Variants in JPH2 observed in about 807,000 individuals in gnomAD.
JPH2 encodes junctophilin-2.
In JPH2, 38 loss-of-function variants were observed where a neutral mutation model predicts 55.9. The ratio of observed to expected loss-of-function variants is 0.68; its 90% CI spans 0.52 to 0.89. The LOEUF (loss-of-function observed/expected upper bound fraction) is 0.89, where lower values mean the gene tolerates loss of function less well. Ranked by LOEUF, JPH2 falls within the 40% of genes least tolerant of loss-of-function variation. The pLI is 0.00. For missense variants in JPH2, 964 were observed against 1,037.6 expected, an observed-to-expected ratio of 0.93 and a Z score of 0.97; for synonymous variants, 480 against 472.4, an observed-to-expected ratio of 1.02 and a Z score of -0.21.
At chr20:44,138,774 C>T (rs560014653) in intron 2 of JPH2, among the ~76,000 whole-genome samples, 1 of 151,932 alleles carries the variant, frequency 6.6e-6, no homozygotes, top group South Asian at 2.1e-4. Flanking sequence ...TTTTGGCTAA[C>T]TTTTTCTAAT....
chr20:44,148,087 C>T (rs565791374), intron 2 of JPH2, among the ~76,000 whole-genome samples: 16 of 152,116 alleles, frequency 1.1e-4, no homozygotes, highest in Admixed American at 8.5e-4. Flanking sequence ...TGCTTGGGCC[C>T]GGGAGGCAGA....
At chr20:44,156,446 A>T (rs999341228) in intron 2 of JPH2, among the ~76,000 whole-genome samples, 1 of 152,190 alleles carries the variant, frequency 6.6e-6, no homozygotes, top group African/African-American at 2.4e-5. Flanking sequence ...CCTGGTCATA[A>T]GCCTGGTCCT....
chr20:44,185,917 G>A (rs1338806104), intron 1 of JPH2, among the ~76,000 whole-genome samples: 1 of 152,016 alleles, frequency 6.6e-6, no homozygotes, highest in African/African-American at 2.4e-5. Flanking sequence ...TGGATGGGTG[G>A]GTGGATGAAT....
chr20:44,114,565 A>AGTGTGTGTGTGT (rs3037626), intron 5 of JPH2, among the ~76,000 whole-genome samples: 1 of 141,906 alleles, frequency 7.0e-6, no homozygotes, highest in Non-Finnish European at 1.5e-5. Context: ...TAATGAAGTA[A>AGTGTGTGTGTGT]GTGTGTGTGT....
At chr20:44,172,107 C>G (rs1360175903) in intron 1 of JPH2, among the ~76,000 whole-genome samples, 2 of 152,164 alleles carry the variant, frequency 1.3e-5, no homozygotes, top group South Asian at 4.1e-4. Context: ...ATCTCGGGCT[C>G]TCAACAAAGG....
At chr20:44,118,008 C>T (rs1406859361) in intron 3 of JPH2, among the ~76,000 whole-genome samples, 9 of 152,216 alleles carry the variant, frequency 5.9e-5, no homozygotes, top group African/African-American at 1.4e-4. Flanking sequence ...TGGGAAGCAG[C>T]GGAATCAGGG....
intron 2 of JPH2, among the ~76,000 whole-genome samples, chr20:44,153,005 C>G (rs1033114177): frequency 1.3e-5 from 2 of 152,228 alleles, no homozygotes; most frequent in South Asian, 4.1e-4. Flanking sequence ...AATGTACTTA[C>G]GTATTTTTAA....
chr20:44,183,157 C>T (rs1007479237), intron 1 of JPH2, among the ~76,000 whole-genome samples: 9 of 152,180 alleles, frequency 5.9e-5, no homozygotes, highest in African/African-American at 2.2e-4. Context: ...CTACAGTGCA[C>T]CACTGTGCAT....
In JPH2 at chr20:44,109,783, C is replaced by A. The variant is rs886767725; in HGVS notation, c.*3735G>T. On this transcript the variant is annotated 3_prime_UTR_variant, in exon 6 of 6. Coordinates refer to ENST00000372980, the MANE Select transcript of JPH2 (RefSeq NM_020433.5). ...GCACCTCCAAAGGTCATCATCTGGG[C>A]CTGCATCTCTCCCAGAACAGCCAGG... Among the ~76,000 whole-genome samples, 1 of 152,136 alleles carries A rather than the reference C, an allele frequency of 6.6e-6. No individual in the cohort carries two copies. The highest frequency in any genetic ancestry group is 1.5e-5 in the Non-Finnish European group (1 of 68,016).
Position 44,159,565 on chromosome 20 carries a change from G to T in JPH2, c.1169+53C>A. ...GGCCTCCTAGGTTGCCCTGCCCCAG[G>T]ACCCCCTTCTCCGAGGGGAGGCGAC... On this transcript the variant is annotated intron_variant, in intron 2 of 5. Coordinates refer to ENST00000372980, the MANE Select transcript of JPH2 (RefSeq NM_020433.5). This position sits in a 1 kb window ranked among gnomAD's most constrained non-coding sequence, Gnocchi z 5.7. 6.5e-7 allele frequency: 1 copy of T among 1,544,650 alleles called. No homozygotes were observed. The highest frequency in any genetic ancestry group is 8.7e-7 in the Non-Finnish European group (1 of 1,146,318).
Position 44,186,791 on chromosome 20 carries a change from T to G in JPH2, c.-86A>C. The G allele has an allele frequency of 1.5e-6, 2 of 1,373,602 alleles. No homozygotes were observed. Among genetic ancestry groups the G allele is most frequent in the South Asian group, 1.2e-5 (1 of 86,050 alleles). 85.1% of individuals were successfully genotyped at this position (1,373,602 alleles called of 1,614,324 possible). ...TGCCTGCAACACTCCTCCAGTGCCC[T>G]CGGGGGCAGGCCCCCAGACTCACCA... On this transcript the variant is annotated 5_prime_UTR_variant, in exon 1 of 6. Coordinates refer to ENST00000372980, the MANE Select transcript of JPH2 (RefSeq NM_020433.5).
rs1185705906 is a variant in JPH2 at position 44,160,142 on chromosome 20, G to A, written c.645C>T (p.Pro215=). 6.9e-6 allele frequency: 10 copies of A among 1,445,250 alleles called. No homozygotes were observed. Among genetic ancestry groups the A allele is most frequent in the Non-Finnish European group, 9.0e-6 (10 of 1,108,456 alleles). 89.5% of individuals were successfully genotyped at this position (1,445,250 alleles called of 1,614,324 possible). The part of the protein sequence containing the change: ...LANAEAAARA[P]KGGGLFQRGA... ...CCCGCTGGAAGAGGCCGCCGCCCTTGGGCGCCCGCGCGGCCGCCTCGGCAT... is the reference window on the plus strand; with the variant it reads ...CCCGCTGGAAGAGGCCGCCGCCCTTAGGCGCCCGCGCGGCCGCCTCGGCAT... Residue 215 remains proline, a synonymous_variant, in exon 2 of 6, where the codon CCC becomes CCT. Coordinates refer to ENST00000372980, the MANE Select transcript of JPH2 (RefSeq NM_020433.5). The surrounding 1 kb of genome is among the most constrained non-coding windows in gnomAD (Gnocchi z 4.9).
intron 2 of JPH2, among the ~76,000 whole-genome samples, chr20:44,134,663 T>TAAATATTTATAATAAATATATATAA (rs374777754): frequency 3.2e-4 from 9 of 27,708 alleles, no homozygotes; most frequent in African/African-American, 4.7e-4. Context: ...TATAAATATA[T>TAAATATTTATAATAAATATATATAA]ATAAATATAT....
chr20:44,176,715 G>C (rs575404078), intron 1 of JPH2: 1 of 243,686 alleles, frequency 4.1e-6, no homozygotes, highest in Admixed American at 6.5e-5. Flanking sequence ...GATCACTTGA[G>C]CCCAGGAGGT....
rs1454449326 is a variant in JPH2 at position 44,108,064 on chromosome 20, T to C, written c.*5454A>G. ...TGACCTTTGGGTGTGGGGAGGGGTA[T>C]GGAGGTTAAGTTCAACCATGTGGGA... On this transcript the variant is annotated 3_prime_UTR_variant, in exon 6 of 6. Transcript: ENST00000372980. Among the ~76,000 whole-genome samples the C allele has an allele frequency of 6.6e-6, 1 of 152,126 alleles. No homozygotes were observed. Among genetic ancestry groups the C allele is most frequent in the East Asian group, 1.9e-4 (1 of 5,190 alleles).
At chr20:44,134,748 T>C (rs1261683027) in intron 2 of JPH2, among the ~76,000 whole-genome samples, 1 of 107,340 alleles carries the variant, frequency 9.3e-6, no homozygotes, top group Non-Finnish European at 1.7e-5. Context: ...TATAAAGATA[T>C]ATTTATTATA....
chr20:44,177,455 A>G (rs1281452175), intron 1 of JPH2: 11 of 992,506 alleles, frequency 1.1e-5, no homozygotes, highest in Non-Finnish European at 1.3e-5. Context: ...CCAATCGGGC[A>G]CATGAATCAC....
intron 2 of JPH2, among the ~76,000 whole-genome samples, chr20:44,142,712 C>T (rs938865694): frequency 5.9e-5 from 9 of 152,232 alleles, no homozygotes; most frequent in Non-Finnish European, 1.0e-4. Flanking sequence ...AGCGGGAGGG[C>T]AAACATCATG....
chr20:44,176,980 C>G (rs982925423), intron 1 of JPH2: 3 of 985,458 alleles, frequency 3.0e-6, no homozygotes. Flanking sequence ...GCAGGAAGAC[C>G]TCCAGGCACA....
Sources: gnomAD v4.1 joint callset for allele counts (sites outside exome capture counted in the v4.1 genomes callset) on GRCh38, gnomAD v4.1.1 for gene constraint, Gnocchi (gnomAD v3.1) non-coding constraint, MANE v1.5 for transcripts, NCBI Gene and HGNC (gene_info 2026-07-23, HGNC 2026-07-21) for gene names.